The following GRK2 variants were observed in gnomAD, a reference collection of about 807,000 sequenced individuals.
GRK2 encodes G protein-coupled receptor kinase 2.
GRK2 carries 23 observed loss-of-function variants against 97.8 expected under a neutral mutation model. The observed-to-expected ratio is 0.24, with a 90% CI of 0.17 to 0.33. The LOEUF (loss-of-function observed/expected upper bound fraction) is 0.33, where lower values mean the gene tolerates loss of function less well. Ranked by LOEUF, GRK2 falls within the 10% of genes least tolerant of loss-of-function variation. The pLI, the probability that GRK2 is intolerant of heterozygous loss-of-function variation, is 1.00. For missense variants in GRK2, 633 were observed against 956.9 expected, an observed-to-expected ratio of 0.66 and a Z score of 4.47; for synonymous variants, 425 against 381.7, an observed-to-expected ratio of 1.11 and a Z score of -1.32.
chr11:67,267,057 C>T (rs1465815359), intron 1 of GRK2, among the ~76,000 whole-genome samples: 2 of 152,250 alleles, frequency 1.3e-5, no homozygotes, highest in Admixed American at 6.5e-5. Context: ...CCCATCGGTC[C>T]CCGGACCCAG....
At chr11:67,277,759 C>G (rs1407117417) in intron 2 of GRK2, among the ~76,000 whole-genome samples, 1 of 152,242 alleles carries the variant, frequency 6.6e-6, no homozygotes, top group East Asian at 1.9e-4. Flanking sequence ...TCTTTGTAAG[C>G]AACCTGCCTG....
Position 67,280,783 on chromosome 11 carries a change from C to T in GRK2, c.555C>T (p.His185=), listed in dbSNP as rs747352703. The change falls in exon 7 of 21, where the codon CAC becomes CAT. Residue 185 remains histidine (H), a splice_region_variant and synonymous_variant. Transcript: ENST00000308595. ...GGAAGAATGTGGAGCTCAACATCCACGTGAGTGGGCTTGGGTGGGGCATGG... is the reference window on the plus strand; with the variant it reads ...GGAAGAATGTGGAGCTCAACATCCATGTGAGTGGGCTTGGGTGGGGCATGG... The part of the protein sequence containing the change: ...CQWKNVELNI[H]LTMNDFSVHR... The T allele has an allele frequency of 1.5e-5, 24 of 1,613,888 alleles. No homozygotes were observed. Among genetic ancestry groups the T allele is most frequent in the Admixed American group, 3.3e-5 (2 of 59,998 alleles).
chr11:67,272,769 C>T (rs560495831), intron 1 of GRK2, among the ~76,000 whole-genome samples: 1 of 152,374 alleles, frequency 6.6e-6, no homozygotes, highest in South Asian at 2.1e-4. Flanking sequence ...GCCACGGGCT[C>T]TACCCACTGG....
chr11:67,277,258 C>A lies in GRK2; in HGVS notation c.114-14C>A, dbSNP rs751998977. On this transcript the variant is annotated splice_polypyrimidine_tract_variant and intron_variant, in intron 1 of 20. Transcript: ENST00000308595. ...TCTGGGGGCTTCTGCTTACTGCGCC[C>A]CCCTGACCCACAGCATCCGCAGTGT... 8.7e-6 allele frequency: 14 copies of A among 1,613,232 alleles called. No homozygotes were observed. Among genetic ancestry groups the A allele is most frequent in the Middle Eastern group, 1.6e-4 (1 of 6,062 alleles).
chr11:67,278,180 A>G (rs947875864), intron 2 of GRK2, among the ~76,000 whole-genome samples: 3 of 152,164 alleles, frequency 2.0e-5, no homozygotes, highest in Admixed American at 6.5e-5. Flanking sequence ...CCTGGCCCCC[A>G]TTCCTCAAAG....
chr11:67,285,321 G>T lies in GRK2; in HGVS notation c.1941G>T (p.Leu647=), dbSNP rs1449735269. Residue 647 remains leucine (L), a synonymous_variant, in exon 21 of 21, where the codon CTG becomes CTT. Coordinates refer to ENST00000308595, the MANE Select transcript of GRK2 (RefSeq NM_001619.5). ...DPELVQWKKE[L]RDAYREAQQL... is the part of the protein sequence containing the mutation. ...AGCTGGTGCAGTGGAAGAAGGAGCT[G>T]CGCGACGCCTACCGCGAGGCCCAGC... 1 of 1,610,120 alleles carries T rather than the reference G, an allele frequency of 6.2e-7. No homozygotes were observed. The highest frequency in any genetic ancestry group is 8.5e-7 in the Non-Finnish European group (1 of 1,179,094).
intron 2 of GRK2, among the ~76,000 whole-genome samples, chr11:67,277,979 TG>T (rs1860070625): frequency 6.6e-6 from 1 of 152,114 alleles, no homozygotes; most frequent in South Asian, 2.1e-4. Flanking sequence ...GATCAGGCAT[TG>T]GGGGTCAGCC....
In GRK2 at chr11:67,286,024, A is replaced by C. The variant is rs1261827108; in HGVS notation, c.*574A>C. 3 of 280,964 alleles carry C rather than the reference A, an allele frequency of 1.1e-5. No individual in the cohort carries two copies. In the East Asian group the frequency reaches 3.0e-4, roughly 28 times the overall value. The allele number at this position is 280,964 out of a possible 1,614,324, so 17.4% of individuals were successfully genotyped here. A position where few individuals can be genotyped will look rare whatever the true frequency, so the allele number is the denominator to read the frequency against. ...TGTGTCACTGGCTGCCTCCACTCCC[A>C]CTTCCCTGACACTGCGGGGCTTGGC... On this transcript the variant is annotated 3_prime_UTR_variant, in exon 21 of 21. Transcript: ENST00000308595.
At chr11:67,267,053 G>A (rs986916050) in intron 1 of GRK2, among the ~76,000 whole-genome samples, 2 of 151,982 alleles carry the variant, frequency 1.3e-5, no homozygotes, top group Non-Finnish European at 2.9e-5. Flanking sequence ...CTGCCCCATC[G>A]GTCCCCGGAC....
At position 67,286,309 on chromosome 11, in the gene GRK2, G is replaced by A. The variant is rs1005063470; in HGVS notation, c.*859G>A. 3 of 669,352 alleles carry A rather than the reference G, an allele frequency of 4.5e-6. No homozygotes were observed. The African/African-American group carries it at 5.5e-5, about 12-fold the overall frequency. The allele number at this position is 669,352 out of a possible 1,614,324, so 41.5% of individuals were successfully genotyped here. A position where few individuals can be genotyped will look rare whatever the true frequency, so the allele number is the denominator to read the frequency against. On this transcript the variant is annotated 3_prime_UTR_variant, in exon 21 of 21. Coordinates refer to ENST00000308595, the MANE Select transcript of GRK2 (RefSeq NM_001619.5). ...GTGCCCCCCATCCTGGCCCATCAGT[G>A]TACCCCCGCCCAGGCTGGCCAGCCC...
chr11:67,275,114 G>T (rs922386215), intron 1 of GRK2, among the ~76,000 whole-genome samples: 7 of 152,204 alleles, frequency 4.6e-5, no homozygotes, highest in Non-Finnish European at 7.3e-5. Flanking sequence ...CCAGGGGGTC[G>T]CGGCCTTGGA....
chr11:67,274,477 C>T (rs1399283001), intron 1 of GRK2, among the ~76,000 whole-genome samples: 1 of 78,866 alleles, frequency 1.3e-5, no homozygotes, highest in Non-Finnish European at 3.2e-5. Context: ...CTGTCGCTAC[C>T]TTCCGCTTGA....
Position 67,279,864 on chromosome 11 carries a change from A to G in GRK2, c.467A>G (p.Asn156Ser), listed in dbSNP as rs1860112858. 6.2e-7 allele frequency: 1 copy of G among 1,613,676 alleles called. No individual in the cohort carries two copies. The highest frequency in any genetic ancestry group is 1.3e-5 in the African/African-American group (1 of 74,850). ...CCATACATCGAAGAGATTTGTCAAA[A>G]CCTCCGAGGGGACGTGTTCCAGAAA... ...FQPYIEEICQ[N>S]LRGDVFQKFI... is the part of the protein sequence containing the mutation. Residue 156 changes from asparagine (N) to serine (S), a missense_variant, in exon 6 of 21, where the codon AAC becomes AGC. This residue lies in a region of GRK2 where 193 missense variants were observed against 212.2 expected (regional missense o/e 0.91). Coordinates refer to ENST00000308595, the MANE Select transcript of GRK2 (RefSeq NM_001619.5).
chr11:67,284,603 G>A, intron 18 of GRK2: 1 of 705,450 alleles, frequency 1.4e-6, no homozygotes, highest in Non-Finnish European at 2.3e-6. Flanking sequence ...TGGCCAACAT[G>A]GTGAAACCCT....
Position 67,282,498 on chromosome 11 carries a change from C to T in GRK2, c.1116C>T (p.Ala372=), listed in dbSNP as rs776408765. The T allele has an allele frequency of 1.8e-5, 29 of 1,613,622 alleles. No homozygotes were observed. The highest frequency in any genetic ancestry group is 3.3e-4 in the Middle Eastern group (2 of 6,084). Residue 372 remains alanine (A), a synonymous_variant, in exon 13 of 21, where the codon GCC becomes GCT. Transcript: ENST00000308595. This position sits in a 1 kb window ranked among gnomAD's most constrained non-coding sequence, Gnocchi z 6.9. The part of the protein sequence containing the change: ...LQKGVAYDSS[A]DWFSLGCMLF... ...AGGGCGTGGCCTACGACAGCAGTGC[C>T]GACTGGTTCTCTCTGGGGTGCATGC...
At position 67,282,403 on chromosome 11, in the gene GRK2, C is replaced by G. The variant is rs765720267; in HGVS notation, c.1053-32C>G. The G allele has an allele frequency of 6.2e-7, 1 of 1,612,492 alleles. No homozygotes were observed. Among genetic ancestry groups the G allele is most frequent in the Admixed American group, 1.7e-5 (1 of 60,008 alleles). On this transcript the variant is annotated intron_variant, in intron 12 of 20. Transcript: ENST00000308595. This position sits in a 1 kb window ranked among gnomAD's most constrained non-coding sequence, Gnocchi z 6.9. ...CACCCTCTCCCTCCCCACCCCTTGC[C>G]ACTCCCGCTTATGGCCCCCTTGCTC... is the stretch of plus-strand genomic sequence containing the variant.
chr11:67,268,376 T>C (rs901954439), intron 1 of GRK2, among the ~76,000 whole-genome samples: 1 of 152,118 alleles, frequency 6.6e-6, no homozygotes, highest in East Asian at 1.9e-4. Context: ...TCTAAGACAT[T>C]TGCAATCAGA....
At chr11:67,284,679 C>T (rs1374565429) in intron 18 of GRK2, 168 bp from the exon 19 acceptor site, 2 of 957,928 alleles carry the variant, frequency 2.1e-6, no homozygotes, top group Non-Finnish European at 3.0e-6. Flanking sequence ...CTCCCAGCTA[C>T]CCGGGAGGCT....
intron 1 of GRK2, among the ~76,000 whole-genome samples, chr11:67,268,942 G>A (rs1859852013): frequency 6.6e-6 from 1 of 152,260 alleles, no homozygotes; most frequent in Non-Finnish European, 1.5e-5. Context: ...GAGGACAGCA[G>A]GAGGCCGAGC....
Sources: allele counts gnomAD v4.1 joint callset (sites outside exome capture counted in the v4.1 genomes callset), GRCh38; gene constraint gnomAD v4.1.1; regional missense constraint gnomAD v4.1.1; non-coding constraint Gnocchi (gnomAD v3.1); transcripts MANE v1.5; gene names NCBI Gene and HGNC (gene_info 2026-07-23, HGNC 2026-07-21).